Variants in SLC22A16 observed in about 807,000 individuals in gnomAD.
The protein encoded by SLC22A16 is WUGSC:RG331P03.1.
A neutral mutation model predicts 52.9 loss-of-function variants in SLC22A16; 53 were observed. That is an observed-to-expected ratio of 1.00 (90% CI 0.80 to 1.26). SLC22A16 has a LOEUF of 1.26. Ranked by LOEUF, SLC22A16 falls within the 50% of genes most tolerant of loss-of-function variation. The pLI, the probability that SLC22A16 is intolerant of heterozygous loss-of-function variation, is 0.00. For missense variants in SLC22A16, 726 were observed against 704.0 expected, an observed-to-expected ratio of 1.03 and a Z score of -0.35; for synonymous variants, 291 against 268.8, an observed-to-expected ratio of 1.08 and a Z score of -0.81.
intron 7 of SLC22A16, 126 bp downstream of exon 7, chr6:110,431,045 G>A (rs1043271969): frequency 1.0e-5 from 8 of 767,114 alleles, no homozygotes; most frequent in South Asian, 1.6e-5. Flanking sequence ...TAATGGGGTT[G>A]TTTCTACAAA....
chr6:110,454,746 ATAT>A (rs1203766218), intron 2 of SLC22A16, among the ~76,000 whole-genome samples: 2 of 73,164 alleles, frequency 2.7e-5, no homozygotes, highest in African/African-American at 5.8e-5. Context: ...TATAATATAT[ATAT>A]TATTATATAC....
chr6:110,474,218 G>A (rs567552330), intron 1 of SLC22A16, among the ~76,000 whole-genome samples: 17 of 152,188 alleles, frequency 1.1e-4, no homozygotes, highest in African/African-American at 3.9e-4. Context: ...TATCTTCCAC[G>A]AAACCAGTCC....
chr6:110,446,962 T>C lies in SLC22A16; in HGVS notation c.562A>G (p.Thr188Ala). ...RLGRRVVLWA[T>A]SSSMFLFGIA... is the part of the protein sequence containing the mutation. ...CCAAACAAAAACATGCTACTGCTTG[T>C]GGCCCACAAGACCACCCGGCGTCCT... Residue 188 changes from threonine to alanine, a missense_variant, in exon 3 of 8, where the codon ACA becomes GCA. Transcript: ENST00000368919. 6.2e-7 allele frequency: 1 copy of C among 1,613,910 alleles called. No individual in the cohort carries two copies. Among genetic ancestry groups the C allele is most frequent in the East Asian group, 2.2e-5 (1 of 44,888 alleles).
In SLC22A16 at chr6:110,442,542, A is replaced by G. The variant is rs553330078; in HGVS notation, c.885T>C (p.Leu295=). 8.1e-5 allele frequency: 130 copies of G among 1,614,178 alleles called. No homozygotes were observed. The highest frequency in any genetic ancestry group is 7.2e-4 in the South Asian group (66 of 91,084). ...CTTCTTCATATCGTCCCTCTGAGAG[A>G]AGCCAAAAAGGTGTCTCTGGGAGCA... ...CWVLPETPFW[L]LSEGRYEEAQ... is the part of the protein sequence containing the mutation. Residue 295 remains leucine, a synonymous_variant, in exon 4 of 8, where the codon CTT becomes CTC. Transcript: ENST00000368919.
intron 2 of SLC22A16, chr6:110,455,936 A>G (rs1344841544): frequency 6.6e-6 from 1 of 152,434 alleles, no homozygotes; most frequent in Non-Finnish European, 1.5e-5. Flanking sequence ...CCAGTCAGCA[A>G]TCCTGTTGGC....
Position 110,424,947 on chromosome 6 carries a change from G to A in SLC22A16, c.1660C>T (p.Leu554Phe). ...SENESKSSKL[L>F]LTTNNSGLEK... is the part of the protein sequence containing the mutation. ...AGCCCACTATTATTAGTTGTGAGAA[G>A]TAATTTGCTTGACTTGCTTTCATTC... Residue 554 changes from leucine (L) to phenylalanine (F), a missense_variant, in exon 8 of 8, where the codon CTT (leucine) becomes TTT (phenylalanine). Leu to Phe is a conservative substitution (Grantham distance 22). Transcript: ENST00000368919. 6.2e-7 allele frequency: 1 copy of A among 1,614,156 alleles called. No homozygotes were observed. The highest frequency in any genetic ancestry group is 8.5e-7 in the Non-Finnish European group (1 of 1,180,030).
At chr6:110,443,121 G>A (rs183329246) in intron 3 of SLC22A16, among the ~76,000 whole-genome samples, 1 of 152,196 alleles carries the variant, frequency 6.6e-6, no homozygotes, top group Admixed American at 6.5e-5. Context: ...TATCCAGGAG[G>A]TCCTTATTGT....
rs952979043 is a variant in SLC22A16, at chr6:110,462,553, T to C, written c.54-5536A>G. Reference sequence around the variant, plus strand: ...ATTTCAGAGCTTGAAGACCAATCTTTCTATTTTAACAAGTCAAACAAAAAT... The same window carrying C: ...ATTTCAGAGCTTGAAGACCAATCTTCCTATTTTAACAAGTCAAACAAAAAT... On this transcript the variant is annotated intron_variant, in intron 1 of 7. Transcript: ENST00000368919. Among the ~76,000 whole-genome samples, 4 of 152,200 alleles carry C rather than the reference T, an allele frequency of 2.6e-5. No individual in the cohort carries two copies. In the South Asian group the frequency reaches 8.3e-4, roughly 32 times the overall value.
At chr6:110,468,813 G>C (rs370307355) in intron 1 of SLC22A16, among the ~76,000 whole-genome samples, 1 of 152,170 alleles carries the variant, frequency 6.6e-6, no homozygotes. Context: ...ATCTTGGCTT[G>C]AAGATGAGTG....
chr6:110,471,804 A>C (rs1376273607), intron 1 of SLC22A16, among the ~76,000 whole-genome samples: 1 of 152,206 alleles, frequency 6.6e-6, no homozygotes, highest in East Asian at 1.9e-4. Context: ...TATGGTGGAC[A>C]CTTTTCTGCA....
intron 1 of SLC22A16, among the ~76,000 whole-genome samples, chr6:110,458,898 C>A (rs1331590505): frequency 6.6e-6 from 1 of 152,160 alleles, no homozygotes; most frequent in African/African-American, 2.4e-5. Flanking sequence ...ACACCACTAG[C>A]TTTCCTAGTT....
At chr6:110,475,895 C>A (rs1215672207) in intron 1 of SLC22A16, 2 of 456,502 alleles carry the variant, frequency 4.4e-6, no homozygotes, top group African/African-American at 4.0e-5. Context: ...GAGTCCTTGA[C>A]CCCGCCAGCT....
intron 1 of SLC22A16, among the ~76,000 whole-genome samples, chr6:110,469,748 T>C (rs1776197326): frequency 1.0e-5 from 1 of 97,896 alleles, no homozygotes; most frequent in Non-Finnish European, 1.9e-5. Context: ...TATGTACTAA[T>C]TTTTTGTAAA....
rs547303199 is a variant in SLC22A16 at position 110,426,749 on chromosome 6, G to A, written c.1522-1664C>T. Among the ~76,000 whole-genome samples the A allele has an allele frequency of 9.8e-4, 149 of 152,280 alleles. 1 individual carries two copies. The highest frequency in any genetic ancestry group is 1.8e-3 in the Non-Finnish European group (121 of 68,020). On this transcript the variant is annotated intron_variant, in intron 7 of 7. Transcript: ENST00000368919. Reference sequence around the variant, plus strand: ...GTGGATCACCCGAGGTCAGGAGTTCGAGACCAGCCTGGCCAACATGGTGAA... The same window carrying A: ...GTGGATCACCCGAGGTCAGGAGTTCAAGACCAGCCTGGCCAACATGGTGAA...
intron 2 of SLC22A16, among the ~76,000 whole-genome samples, chr6:110,451,398 G>T (rs181408280): frequency 6.6e-6 from 1 of 152,238 alleles, no homozygotes; most frequent in African/African-American, 2.4e-5. Context: ...ACCCAATTTG[G>T]ATTCTCAGTT....
chr6:110,447,656 C>A (rs1219475430), intron 2 of SLC22A16, among the ~76,000 whole-genome samples: 1 of 152,154 alleles, frequency 6.6e-6, no homozygotes, highest in African/African-American at 2.4e-5. Flanking sequence ...GAAGCTGCCA[C>A]CCCCTCTTCC....
At chr6:110,443,895 A>G (rs1775070532) in intron 3 of SLC22A16, among the ~76,000 whole-genome samples, 1 of 152,228 alleles carries the variant, frequency 6.6e-6, no homozygotes, top group Admixed American at 6.5e-5. Context: ...TTCCGCTTTC[A>G]TGAGGTACCT....
At chr6:110,431,950 G>T (rs1485504237) in intron 6 of SLC22A16, among the ~76,000 whole-genome samples, 2 of 152,122 alleles carry the variant, frequency 1.3e-5, no homozygotes, top group South Asian at 2.1e-4. Context: ...TTTGTTTCAG[G>T]TAGGGAGTGG....
intron 1 of SLC22A16, among the ~76,000 whole-genome samples, chr6:110,458,874 T>C (rs1775765907): frequency 6.6e-6 from 1 of 152,194 alleles, no homozygotes; most frequent in African/African-American, 2.4e-5. Context: ...AGGCCTTCAG[T>C]CTGGGACTGA....
Sources: allele counts gnomAD v4.1 joint callset (sites outside exome capture counted in the v4.1 genomes callset), GRCh38; gene constraint gnomAD v4.1.1; transcripts MANE v1.5; gene names NCBI Gene and HGNC (gene_info 2026-07-23, HGNC 2026-07-21).